Variants in BICC1 observed in about 807,000 individuals in gnomAD.
BICC1 encodes the protein protein bicaudal C homolog 1.
BICC1 carries 43 observed loss-of-function variants against 111.0 expected under a neutral mutation model. The observed-to-expected ratio is 0.39, with a 90% confidence interval of 0.30 to 0.50. The LOEUF (loss-of-function observed/expected upper bound fraction) is 0.50. Among genes scored for constraint, BICC1 ranks in the 20% least tolerant of loss-of-function variants. The pLI, the probability that BICC1 is intolerant of heterozygous loss-of-function variation, is 0.88. For synonymous variants in BICC1, 467 were observed against 434.4 expected, an observed-to-expected ratio of 1.07 and a Z score of -0.93; for missense variants, 1,091 against 1,203.2, an observed-to-expected ratio of 0.91 and a Z score of 1.38.
chr10:58,597,008 C>T (rs1331288173), intron 1 of BICC1, among the ~76,000 whole-genome samples: 1 of 152,180 alleles, frequency 6.6e-6, no homozygotes, highest in Non-Finnish European at 1.5e-5. Context: ...AATGCTATCC[C>T]CATCAAGCTA....
intron 3 of BICC1, among the ~76,000 whole-genome samples, chr10:58,737,422 A>G (rs1156693185): frequency 2.0e-5 from 3 of 152,232 alleles, no homozygotes; most frequent in South Asian, 4.1e-4. Context: ...TGCAAAGCAC[A>G]TGAACTCATC....
chr10:58,805,633 A>G (rs1304073130), intron 15 of BICC1, among the ~76,000 whole-genome samples: 1 of 152,182 alleles, frequency 6.6e-6, no homozygotes, highest in Non-Finnish European at 1.5e-5. Flanking sequence ...TACTTTTATT[A>G]TCTTGGCCTA....
At chr10:58,529,338 A>G (rs1334790087) in intron 1 of BICC1, among the ~76,000 whole-genome samples, 3 of 151,920 alleles carry the variant, frequency 2.0e-5, no homozygotes, top group African/African-American at 7.2e-5. Context: ...TAAAAAATAC[A>G]TCTGTATCTG....
At chr10:58,639,574 T>G (rs1006763703) in intron 2 of BICC1, among the ~76,000 whole-genome samples, 4 of 146,728 alleles carry the variant, frequency 2.7e-5, no homozygotes, top group Non-Finnish European at 6.0e-5. Context: ...ATTGTTTTTT[T>G]TTTTTTTTTT....
At chr10:58,590,278 G>A (rs557650063) in intron 1 of BICC1, among the ~76,000 whole-genome samples, 21 of 152,220 alleles carry the variant, frequency 1.4e-4, no homozygotes, top group African/African-American at 4.3e-4. Context: ...CTAGCTATGC[G>A]CAGTCTGGCC....
intron 1 of BICC1, among the ~76,000 whole-genome samples, chr10:58,616,189 G>C (rs1845598726): frequency 6.6e-6 from 1 of 152,176 alleles, no homozygotes; most frequent in South Asian, 2.1e-4. Flanking sequence ...CCCCCACTCT[G>C]ATACCGAGGA....
At chr10:58,635,323 A>T (rs2132189332) in intron 2 of BICC1, among the ~76,000 whole-genome samples, 1 of 152,356 alleles carries the variant, frequency 6.6e-6, no homozygotes, top group Non-Finnish European at 1.5e-5. Context: ...TTTGTTACAG[A>T]AATATGTAAT....
chr10:58,747,518 C>T (rs1372704519), intron 3 of BICC1, among the ~76,000 whole-genome samples: 1 of 151,762 alleles, frequency 6.6e-6, no homozygotes, highest in Non-Finnish European at 1.5e-5. Flanking sequence ...TTATGGGGTA[C>T]AATGTGATGA....
chr10:58,826,202 A>G (rs960739372), intron 20 of BICC1, among the ~76,000 whole-genome samples: 1 of 152,206 alleles, frequency 6.6e-6, no homozygotes, highest in African/African-American at 2.4e-5. Context: ...TTAAAGCAAA[A>G]TGAAGGTGAA....
chr10:58,643,479 G>T (rs1838182018), intron 2 of BICC1, among the ~76,000 whole-genome samples: 1 of 152,176 alleles, frequency 6.6e-6, no homozygotes, highest in Non-Finnish European at 1.5e-5. Context: ...GCTTGGCTGG[G>T]CTAGGTTGAA....
At chr10:58,618,279 T>C (rs1845684290) in intron 1 of BICC1, among the ~76,000 whole-genome samples, 1 of 152,186 alleles carries the variant, frequency 6.6e-6, no homozygotes, top group African/African-American at 2.4e-5. Context: ...TGGTCAAGAA[T>C]AGGCCAAGGC....
chr10:58,594,611 T>C (rs941676892), intron 1 of BICC1, among the ~76,000 whole-genome samples: 1 of 152,182 alleles, frequency 6.6e-6, no homozygotes, highest in Non-Finnish European at 1.5e-5. Context: ...CAAAATTTCA[T>C]ATCCAGCCAA....
chr10:58,634,384 A>G (rs1837892164), intron 2 of BICC1, among the ~76,000 whole-genome samples: 1 of 151,622 alleles, frequency 6.6e-6, no homozygotes, highest in Non-Finnish European at 1.5e-5. Flanking sequence ...GTGATAGTAA[A>G]CTCTTAATCT....
At chr10:58,722,171 C>T (rs1268552580) in intron 3 of BICC1, among the ~76,000 whole-genome samples, 2 of 152,152 alleles carry the variant, frequency 1.3e-5, no homozygotes, top group Non-Finnish European at 2.9e-5. Flanking sequence ...AGCAGTGAAT[C>T]CATCCGGTTT....
At chr10:58,769,396 G>GTATATATATA (rs1271499930) in intron 3 of BICC1, among the ~76,000 whole-genome samples, 2 of 105,162 alleles carry the variant, frequency 1.9e-5, no homozygotes, top group East Asian at 3.6e-4. Flanking sequence ...GTGTGTGTGT[G>GTATATATATA]TGTGTGTGTA....
Position 58,758,971 on chromosome 10 carries a change from TTATTTTG to T in BICC1, c.308-26029_308-26023del, listed in dbSNP as rs1269214376. Among the ~76,000 whole-genome samples, 89 of 125,690 alleles carry T rather than the reference TTATTTTG, an allele frequency of 7.1e-4. 1 individual carries two copies. Among genetic ancestry groups the T allele is most frequent in the African/African-American group, 2.4e-3 (89 of 36,736 alleles). 82.5% of individuals were successfully genotyped at this position (125,690 alleles called of 152,430 possible). On this transcript the variant is annotated intron_variant, in intron 3 of 20. Coordinates refer to ENST00000373886, the MANE Select transcript of BICC1 (RefSeq NM_001080512.3). ...TTTATTTATTTATTTATTTATTTAT[TTATTTTG>T]AGATGGAGTCTTGCTTTGTCACTCA...
At chr10:58,741,668 G>C (rs1225929868) in intron 3 of BICC1, among the ~76,000 whole-genome samples, 4 of 152,136 alleles carry the variant, frequency 2.6e-5, no homozygotes, top group African/African-American at 9.7e-5. Context: ...TTACAAACGG[G>C]AAACTGAGAA....
chr10:58,718,788 G>A lies in BICC1; in HGVS notation c.307+16645G>A, dbSNP rs181547422. ...TGTGCGCGCGCGCGTGCGCGCGTGCGCACGCCCGCGTGCTTATGGGTATGT... is the reference window on the plus strand; with the variant it reads ...TGTGCGCGCGCGCGTGCGCGCGTGCACACGCCCGCGTGCTTATGGGTATGT... On this transcript the variant is annotated intron_variant, in intron 3 of 20. Transcript: ENST00000373886. Among the ~76,000 whole-genome samples the A allele has an allele frequency of 2.4e-4, 36 of 150,166 alleles. 1 individual carries two copies. The highest frequency in any genetic ancestry group is 5.9e-5 in the Non-Finnish European group (4 of 67,660).
chr10:58,820,951 T>G (rs1327021148), intron 20 of BICC1, among the ~76,000 whole-genome samples: 1 of 152,128 alleles, frequency 6.6e-6, no homozygotes, highest in Admixed American at 6.6e-5. Flanking sequence ...TCCCACTGTC[T>G]TAATAGAATT....
Sources: allele counts gnomAD v4.1 joint callset (sites outside exome capture counted in the v4.1 genomes callset), GRCh38; gene constraint gnomAD v4.1.1; transcripts MANE v1.5; gene names NCBI Gene and HGNC (gene_info 2026-07-23, HGNC 2026-07-21).